The following ROS1 variants were observed in gnomAD, a reference collection of about 807,000 sequenced individuals.
ROS1 encodes ROS proto-oncogene 1, receptor tyrosine kinase, also known as proto-oncogene tyrosine-protein kinase ROS.
ROS1 carries 263 observed loss-of-function variants against 273.5 expected under a neutral mutation model. The ratio of observed to expected loss-of-function variants is 0.96; its 90% CI spans 0.87 to 1.06. ROS1 has a LOEUF of 1.06. ROS1 is among the 50% of genes least tolerant of loss of function. ROS1 has a pLI of 0.00. For missense variants in ROS1, 2,833 were observed against 2,751.1 expected, an observed-to-expected ratio of 1.03 and a Z score of -0.67; for synonymous variants, 1,008 against 954.1, an observed-to-expected ratio of 1.06 and a Z score of -1.04.
chr6:117,313,585 A>C (rs1434036755), intron 39 of ROS1, among the ~76,000 whole-genome samples: 1 of 151,948 alleles, frequency 6.6e-6, no homozygotes, highest in Non-Finnish European at 1.5e-5. Flanking sequence ...AAAAAAAAAA[A>C]GTTAAAAGGA....
Position 117,425,598 on chromosome 6 carries a change from A to G in ROS1, c.59T>C (p.Leu20Pro). The change falls in exon 1 of 44, where the codon CTA becomes CCA. Residue 20 changes from leucine to proline, a missense_variant. By Grantham distance (98) the Leu-to-Pro change is moderately conservative. Transcript: ENST00000368507. ...TGTACACTGCACCACAGAAATCCAT[A>G]GGCAGCCAAGAGTTGCAAAATTGAC... Reference protein sequence around the residue: ...KLVNFATLGCLWISVVQCTVL... With the variant: ...KLVNFATLGCPWISVVQCTVL... 1 of 1,612,620 alleles carries G rather than the reference A, an allele frequency of 6.2e-7. No homozygotes were observed. The highest frequency in any genetic ancestry group is 8.5e-7 in the Non-Finnish European group (1 of 1,179,448).
chr6:117,413,333 A>C lies in ROS1; in HGVS notation c.255+1186T>G, dbSNP rs190112525. The stretch of plus-strand genomic sequence containing the variant: ...GGATGCTCTCAAACTCCTGACCTCC[A>C]GCAATCCTCCTACTTGAACCTCCGA... On this transcript the variant is annotated intron_variant, in intron 4 of 43. Coordinates refer to ENST00000368507, the MANE Select transcript of ROS1 (RefSeq NM_001378902.1). Among the ~76,000 whole-genome samples, 22 of 152,314 alleles carry C rather than the reference A, an allele frequency of 1.4e-4. No individual in the cohort carries two copies. The East Asian group carries it at 4.1e-3, about 28-fold the overall frequency.
intron 2 of ROS1, among the ~76,000 whole-genome samples, chr6:117,418,004 A>C (rs929489482): frequency 2.0e-5 from 3 of 152,212 alleles, no homozygotes; most frequent in Admixed American, 6.5e-5. Flanking sequence ...GAGTCCTTTT[A>C]AACAGAGACC....
At chr6:117,385,892 T>C in intron 15 of ROS1, 31 bp from the exon 16 acceptor site, 2 of 1,582,084 alleles carry the variant, frequency 1.3e-6, no homozygotes, top group Non-Finnish European at 1.7e-6. Flanking sequence ...TAGCAGTTAT[T>C]TTTCATACAT....
At chr6:117,385,479 C>G (rs941595484) in intron 16 of ROS1, among the ~76,000 whole-genome samples, 3 of 151,594 alleles carry the variant, frequency 2.0e-5, no homozygotes, top group African/African-American at 7.3e-5. Context: ...CGCCACTGCA[C>G]TCCAGCCTGG....
chr6:117,345,718 C>T (rs1778322651), intron 27 of ROS1, among the ~76,000 whole-genome samples: 1 of 152,180 alleles, frequency 6.6e-6, no homozygotes, highest in African/African-American at 2.4e-5. Context: ...TACTCCAGCT[C>T]TTCTGTAAAC....
At chr6:117,368,233 A>T (rs1026329102) in intron 18 of ROS1, among the ~76,000 whole-genome samples, 25 of 152,196 alleles carry the variant, frequency 1.6e-4, no homozygotes, top group African/African-American at 5.8e-4. Context: ...TAGTACTCAA[A>T]AAAAGAACTA....
At chr6:117,348,717 T>C (rs1424965145) in intron 27 of ROS1, among the ~76,000 whole-genome samples, 1 of 151,990 alleles carries the variant, frequency 6.6e-6, no homozygotes, top group Non-Finnish European at 1.5e-5. Flanking sequence ...ATTTTTTTAA[T>C]ACATGCAGTC....
intron 41 of ROS1, among the ~76,000 whole-genome samples, 189 bp from the exon 42 acceptor site, chr6:117,309,117 G>A (rs1489023435): frequency 6.6e-6 from 1 of 152,112 alleles, no homozygotes; most frequent in African/African-American, 2.4e-5. Context: ...CACTGCGTAT[G>A]AGCAAATACT....
chr6:117,386,736 A>G (rs868660877), intron 15 of ROS1, among the ~76,000 whole-genome samples, 153 bp downstream of exon 15: 1 of 152,224 alleles, frequency 6.6e-6, no homozygotes, highest in African/African-American at 2.4e-5. Flanking sequence ...CATTTTCTTA[A>G]CAGAATCACT....
intron 1 of ROS1, among the ~76,000 whole-genome samples, chr6:117,422,998 T>C (rs2128750867): frequency 6.6e-6 from 1 of 152,186 alleles, no homozygotes; most frequent in East Asian, 1.9e-4. Context: ...TCAATATTAG[T>C]TCCTCAGTTG....
chr6:117,314,640 A>G (rs1391182310), intron 39 of ROS1, among the ~76,000 whole-genome samples: 1 of 152,200 alleles, frequency 6.6e-6, no homozygotes, highest in Admixed American at 6.5e-5. Context: ...CACTGTACTG[A>G]AATGCAGAGA....
At chr6:117,405,342 C>A (rs1385481882) in intron 5 of ROS1, among the ~76,000 whole-genome samples, 2 of 152,202 alleles carry the variant, frequency 1.3e-5, no homozygotes, top group Non-Finnish European at 2.9e-5. Flanking sequence ...ACCTAGCCCA[C>A]AAAGAGGCCT....
chr6:117,328,150 C>A (rs1776782811), intron 33 of ROS1, among the ~76,000 whole-genome samples: 1 of 152,158 alleles, frequency 6.6e-6, no homozygotes. Context: ...ACTTCCACTA[C>A]CCCATCAGTG....
chr6:117,322,487 C>A (rs1380350760), intron 35 of ROS1, among the ~76,000 whole-genome samples: 2 of 152,164 alleles, frequency 1.3e-5, no homozygotes, highest in African/African-American at 4.8e-5. Context: ...TCTTCCCACA[C>A]AGGCATGTCT....
intron 25 of ROS1, among the ~76,000 whole-genome samples, chr6:117,357,321 G>A (rs758919990): frequency 1.1e-4 from 17 of 152,104 alleles, no homozygotes; most frequent in Admixed American, 4.6e-4. Flanking sequence ...CCATGCTTAT[G>A]GCCCAAACAG....
intron 3 of ROS1, among the ~76,000 whole-genome samples, chr6:117,415,207 C>T (rs969281340): frequency 2.0e-5 from 3 of 152,220 alleles, no homozygotes; most frequent in Non-Finnish European, 4.4e-5. Flanking sequence ...GTCCAGATAG[C>T]ACATGCTGTA....
intron 18 of ROS1, among the ~76,000 whole-genome samples, chr6:117,375,416 A>C (rs781144962): frequency 1.3e-4 from 13 of 103,460 alleles, no homozygotes; most frequent in Non-Finnish European, 2.1e-4. Flanking sequence ...ACCAAATACC[A>C]CCTGTTCCCC....
At chr6:117,311,477 A>G (rs1167802031) in intron 39 of ROS1, among the ~76,000 whole-genome samples, 1 of 152,134 alleles carries the variant, frequency 6.6e-6, no homozygotes, top group African/African-American at 2.4e-5. Flanking sequence ...CAAATTTCTC[A>G]TGTGTAAAAT....
Sources: gnomAD v4.1 joint callset for allele counts (sites outside exome capture counted in the v4.1 genomes callset) on GRCh38, gnomAD v4.1.1 for gene constraint, MANE v1.5 for transcripts, NCBI Gene and HGNC (gene_info 2026-07-23, HGNC 2026-07-21) for gene names.